Variants in PCDHA1 observed in about 807,000 individuals in gnomAD.
PCDHA1 encodes protocadherin alpha-1.
In PCDHA1, 42 loss-of-function variants were observed where a neutral mutation model predicts 61.3. The observed-to-expected ratio is 0.69, with a 90% CI of 0.54 to 0.89. The LOEUF (loss-of-function observed/expected upper bound fraction) is 0.89, where lower values mean the gene tolerates loss of function less well. PCDHA1 is among the 40% of genes least tolerant of loss of function. The pLI is 0.00. For synonymous variants in PCDHA1, 610 were observed against 553.8 expected, an observed-to-expected ratio of 1.10 and a Z score of -1.43; for missense variants, 1,256 against 1,235.3, an observed-to-expected ratio of 1.02 and a Z score of -0.25.
In PCDHA1 at chr5:140,923,554, G is replaced by T. The variant is rs117642898; in HGVS notation, c.2395-55395G>T. Among the ~76,000 whole-genome samples the T allele has an allele frequency of 6.2e-4, 95 of 152,226 alleles. No individual in the cohort carries two copies. The East Asian group carries it at 0.017, about 28-fold the overall frequency. On this transcript the variant is annotated intron_variant, in intron 1 of 3. Coordinates refer to ENST00000504120, the MANE Select transcript of PCDHA1 (RefSeq NM_018900.4). ...AAAAAAAGGACAAAATGAAATATCA[G>T]CAATGAAAGGTCCTGCTAAAGAGAA...
chr5:140,807,023 A>T, intron 1 of PCDHA1: 1 of 827,342 alleles, frequency 1.2e-6, no homozygotes, highest in Non-Finnish European at 1.9e-6. Flanking sequence ...ACATGAGAGA[A>T]GGAGGAAGAA....
At chr5:140,982,415 A>C (rs1291195577) in intron 2 of PCDHA1, 60 bp from the exon 3 acceptor site, 1 of 1,610,020 alleles carries the variant, frequency 6.2e-7, no homozygotes, top group African/African-American at 1.3e-5. Flanking sequence ...CTGAGGGTGG[A>C]AGAAGAGATG....
chr5:140,829,101 T>C lies in PCDHA1; in HGVS notation c.2394+40417T>C, dbSNP rs2150162568. 8 of 1,611,922 alleles carry C rather than the reference T, an allele frequency of 5.0e-6. No homozygotes were observed. In the Admixed American group the frequency reaches 1.3e-4, roughly 27 times the overall value. ...CCCATGGCGGGTCATTGCACCGTTT[T>C]AGTGAGAATTTTGGATAAAAATGAT... On this transcript the variant is annotated intron_variant, in intron 1 of 3. Transcript: ENST00000504120.
chr5:140,805,343 T>A (rs1763548876), intron 1 of PCDHA1: 1 of 1,222,294 alleles, frequency 8.2e-7, no homozygotes. Flanking sequence ...ATGATCATTT[T>A]GTAAAAATAT....
At chr5:140,851,185 A>G in intron 1 of PCDHA1, 4 of 1,237,652 alleles carry the variant, frequency 3.2e-6, no homozygotes, top group Non-Finnish European at 4.1e-6. Flanking sequence ...TTGAAAACCA[A>G]TTTAGTTGTT....
intron 1 of PCDHA1, among the ~76,000 whole-genome samples, chr5:140,916,248 T>C (rs2077492943): frequency 6.6e-6 from 1 of 152,180 alleles, no homozygotes; most frequent in Admixed American, 6.5e-5. Flanking sequence ...AGCCTGGACT[T>C]GGGGACCCCA....
chr5:140,899,969 A>G (rs2067649868), intron 1 of PCDHA1, among the ~76,000 whole-genome samples: 1 of 151,820 alleles, frequency 6.6e-6, no homozygotes, highest in African/African-American at 2.4e-5. Flanking sequence ...TGCCATGCCC[A>G]GCTACTTTTT....
chr5:140,984,178 A>C (rs2097090747), intron 3 of PCDHA1, among the ~76,000 whole-genome samples: 1 of 152,184 alleles, frequency 6.6e-6, no homozygotes, highest in South Asian at 2.1e-4. Context: ...AGCCACGTGA[A>C]ATCATGACTT....
chr5:140,813,178 T>G (rs1330522821), intron 1 of PCDHA1: 1 of 152,218 alleles, frequency 6.6e-6, no homozygotes, highest in Non-Finnish European at 1.5e-5. Flanking sequence ...GTTGTTCAAG[T>G]CCTCTGCTTC....
At chr5:140,803,080 C>A in intron 1 of PCDHA1, 2 of 1,613,930 alleles carry the variant, frequency 1.2e-6, no homozygotes, top group Non-Finnish European at 1.7e-6. Flanking sequence ...GGGCTGTACA[C>A]GGGAGAGATC....
chr5:140,882,406 C>T, intron 1 of PCDHA1: 3 of 1,614,138 alleles, frequency 1.9e-6, no homozygotes, highest in Non-Finnish European at 2.5e-6. Context: ...CCTTCGTGGG[C>T]CGCATCGCTC....
chr5:140,845,872 C>T (rs1261726866), intron 1 of PCDHA1, among the ~76,000 whole-genome samples: 3 of 149,504 alleles, frequency 2.0e-5, no homozygotes, highest in Non-Finnish European at 4.5e-5. Flanking sequence ...AGAAAGGCAA[C>T]CTAAAATGTC....
intron 1 of PCDHA1, among the ~76,000 whole-genome samples, chr5:140,944,057 G>A (rs1394005045): frequency 1.3e-5 from 2 of 152,130 alleles, no homozygotes; most frequent in African/African-American, 4.8e-5. Context: ...GATACAAAAA[G>A]GTTTCTTGTT....
Position 140,843,584 on chromosome 5 carries a change from C to T in PCDHA1, c.2394+54900C>T. On this transcript the variant is annotated intron_variant, in intron 1 of 3. Coordinates refer to ENST00000504120, the MANE Select transcript of PCDHA1 (RefSeq NM_018900.4). The stretch of plus-strand genomic sequence containing the variant: ...GAGCTGGTCATACTCGCAACAACAG[C>T]CGCAGAGGGTGTGCTCTGGTGAGGG... 1.9e-6 allele frequency: 3 copies of T among 1,595,998 alleles called. No homozygotes were observed. In the East Asian group the frequency reaches 6.7e-5, roughly 36 times the overall value.
At chr5:140,977,284 G>T (rs1377580391) in intron 1 of PCDHA1, among the ~76,000 whole-genome samples, 1 of 152,210 alleles carries the variant, frequency 6.6e-6, no homozygotes, top group Admixed American at 6.5e-5. Flanking sequence ...TCAAAGGAAG[G>T]TTCTCTCAGC....
At chr5:140,877,375 C>G (rs782650940) in intron 1 of PCDHA1, 1 of 1,614,006 alleles carries the variant, frequency 6.2e-7, no homozygotes, top group Admixed American at 1.7e-5. Flanking sequence ...CAGCACGACA[C>G]GCATCCTGGA....
intron 1 of PCDHA1, chr5:140,824,025 G>C: frequency 1.2e-6 from 2 of 1,614,138 alleles, no homozygotes; most frequent in Non-Finnish European, 1.7e-6. Flanking sequence ...GGTCGTACTC[G>C]CAGCAGAGGA....
At chr5:141,000,944 T>C (rs2097977292) in intron 3 of PCDHA1, among the ~76,000 whole-genome samples, 1 of 152,196 alleles carries the variant, frequency 6.6e-6, no homozygotes, top group Non-Finnish European at 1.5e-5. Flanking sequence ...GGACAAATTA[T>C]CTTGCTGTAA....
intron 1 of PCDHA1, chr5:140,855,800 A>C: frequency 2.1e-6 from 1 of 475,828 alleles, no homozygotes; most frequent in Non-Finnish European, 3.7e-6. Context: ...TAACATATGA[A>C]TGAAAGAAAA....
Sources: gnomAD v4.1 joint callset for allele counts (sites outside exome capture counted in the v4.1 genomes callset) on GRCh38, gnomAD v4.1.1 for gene constraint, MANE v1.5 for transcripts, NCBI Gene and HGNC (gene_info 2026-07-23, HGNC 2026-07-21) for gene names.